ZNF438: variants seen among roughly 807,000 people sequenced by gnomAD.
ZNF438 encodes the protein zinc finger protein 438.
A neutral mutation model predicts 38.0 loss-of-function variants in ZNF438; 25 were observed. The ratio of observed to expected loss-of-function variants is 0.66; its 90% CI spans 0.48 to 0.92. ZNF438 has a LOEUF of 0.92. Ranked by LOEUF, ZNF438 falls within the 40% of genes least tolerant of loss-of-function variation. The pLI is 0.00. For missense variants in ZNF438, 1,007 were observed against 999.6 expected (o/e 1.01, Z -0.10); for synonymous variants, 372 against 364.1 (o/e 1.02, Z -0.25).
intron 4 of ZNF438, among the ~76,000 whole-genome samples, chr10:30,873,530 C>T (rs1391617902): frequency 2.6e-5 from 4 of 152,180 alleles, no homozygotes; most frequent in Non-Finnish European, 5.9e-5. Flanking sequence ...GAACAAATGT[C>T]ATCTCCTCCA....
chr10:30,990,005 A>G (rs1261914064), intron 1 of ZNF438, among the ~76,000 whole-genome samples: 1 of 152,202 alleles, frequency 6.6e-6, no homozygotes, highest in Non-Finnish European at 1.5e-5. Flanking sequence ...AGGACTCAGG[A>G]GCTAAGTTTA....
chr10:30,914,545 T>A (rs2043401651), intron 2 of ZNF438, among the ~76,000 whole-genome samples: 1 of 152,030 alleles, frequency 6.6e-6, no homozygotes, highest in Non-Finnish European at 1.5e-5. Flanking sequence ...CTGGGGGGAT[T>A]GTGTAAGCGG....
intron 1 of ZNF438, among the ~76,000 whole-genome samples, chr10:30,982,315 A>G (rs2052298803): frequency 1.3e-5 from 2 of 151,730 alleles, no homozygotes; most frequent in Non-Finnish European, 2.9e-5. Context: ...GTTAGCCGGG[A>G]TGGTCTCGAT....
chr10:30,876,856 A>T (rs1469206638), intron 4 of ZNF438, 142 bp downstream of exon 5: 4 of 532,802 alleles, frequency 7.5e-6, no homozygotes, highest in Non-Finnish European at 1.2e-5. Context: ...TACCAAAAGA[A>T]ATGAGTTTTC....
intron 3 of ZNF438, among the ~76,000 whole-genome samples, chr10:30,902,092 G>A (rs950494683): frequency 6.6e-6 from 1 of 152,132 alleles, no homozygotes; most frequent in Non-Finnish European, 1.5e-5. Flanking sequence ...ATTGCATAGA[G>A]CGAAAGAACA....
intron 1 of ZNF438, among the ~76,000 whole-genome samples, chr10:30,966,669 C>CAAAAAAAAA (rs11445638): frequency 7.7e-6 from 1 of 129,886 alleles, no homozygotes; most frequent in African/African-American, 2.9e-5. Context: ...GACTCCATCT[C>CAAAAAAAAA]AAAAAAAAAA....
chr10:30,984,437 A>G lies in ZNF438; in HGVS notation c.-191-42786T>C, dbSNP rs376345185. 7 of 152,302 alleles carry G rather than the reference A, an allele frequency of 4.6e-5. No homozygotes were observed. The East Asian group carries it at 1.3e-3, about 29-fold the overall frequency. The allele number at this position is 152,302 out of a possible 1,614,324, so 9.4% of individuals were successfully genotyped here. ...TCCTTTTAATTAATTCTGTAACAAT[A>G]CAAAGTATTATTATAATCATATTCA... is the stretch of plus-strand genomic sequence containing the variant. On this transcript the variant is annotated intron_variant, in intron 1 of 5. Coordinates refer to ENST00000413025, the Ensembl canonical transcript of ZNF438.
At chr10:30,959,483 A>T (rs2049226077) in intron 1 of ZNF438, among the ~76,000 whole-genome samples, 1 of 145,596 alleles carries the variant, frequency 6.9e-6, no homozygotes, top group African/African-American at 2.4e-5. Flanking sequence ...TCACACCTGT[A>T]ATCCCAGCAC....
intron 1 of ZNF438, among the ~76,000 whole-genome samples, chr10:30,947,857 T>A (rs935609595): frequency 4.6e-5 from 7 of 150,562 alleles, no homozygotes; most frequent in African/African-American, 1.7e-4. Flanking sequence ...GCTTCCCAAG[T>A]GAGGCAATGC....
At chr10:31,019,373 T>C (rs1205927072) in intron 1 of ZNF438, among the ~76,000 whole-genome samples, 1 of 152,162 alleles carries the variant, frequency 6.6e-6, no homozygotes, top group African/African-American at 2.4e-5. Context: ...ATAATGCTAA[T>C]GAAAGAAAAA....
chr10:30,934,197 A>G (rs918965799), intron 2 of ZNF438, among the ~76,000 whole-genome samples: 3 of 151,558 alleles, frequency 2.0e-5, no homozygotes, highest in African/African-American at 7.3e-5. Context: ...AGGACTGGGG[A>G]ACCCTCTTTG....
chr10:30,893,066 T>C (rs1246648511), intron 3 of ZNF438, among the ~76,000 whole-genome samples: 5 of 152,222 alleles, frequency 3.3e-5, no homozygotes, highest in Admixed American at 6.5e-5. Flanking sequence ...GTTGACTTAA[T>C]ATTTTTCTAG....
At chr10:30,916,921 C>G (rs1037423897) in intron 2 of ZNF438, among the ~76,000 whole-genome samples, 2 of 151,990 alleles carry the variant, frequency 1.3e-5, no homozygotes, top group African/African-American at 4.8e-5. Context: ...TCAGGATGCT[C>G]CAACATTTTT....
intron 1 of ZNF438, among the ~76,000 whole-genome samples, chr10:30,948,107 C>T (rs1363214544): frequency 6.6e-6 from 1 of 152,186 alleles, no homozygotes; most frequent in Non-Finnish European, 1.5e-5. Flanking sequence ...CCCTGAGCAG[C>T]CTAACTGGGA....
At chr10:30,852,959 CCTT>C (rs1394782126) in intron 4 of ZNF438, among the ~76,000 whole-genome samples, 1 of 151,914 alleles carries the variant, frequency 6.6e-6, no homozygotes, top group African/African-American at 2.4e-5. Context: ...TTAAACCTCA[CCTT>C]CTCATCTTTT....
intron 1 of ZNF438, among the ~76,000 whole-genome samples, chr10:30,993,636 A>C (rs1284543773): frequency 2.0e-5 from 3 of 152,246 alleles, no homozygotes; most frequent in Non-Finnish European, 1.5e-5. Flanking sequence ...TCGTAGGGCA[A>C]TGCCTAGTGC....
chr10:30,950,370 C>A (rs1258197662), intron 1 of ZNF438, among the ~76,000 whole-genome samples: 2 of 148,318 alleles, frequency 1.3e-5, no homozygotes, highest in African/African-American at 4.9e-5. Context: ...CATTCAAAAG[C>A]TAGCAGAAGG....
Position 31,008,963 on chromosome 10 carries a change from TGAA to T in ZNF438, c.-192+22867_-192+22869del, listed in dbSNP as rs529610199. 3.1e-3 allele frequency among the ~76,000 whole-genome samples: 479 copies of T among 152,360 alleles called. 2 individuals carry two copies. The highest frequency in any genetic ancestry group is 4.3e-3 in the Non-Finnish European group (293 of 68,030). On this transcript the variant is annotated intron_variant, in intron 1 of 5. Transcript: ENST00000413025. Reference sequence around the variant, plus strand: ...TTTGATTACAGCTAACTAGTGGGCATGAAGTAGTATCTTATGTGGTTTTGATTT... The same window carrying T: ...TTTGATTACAGCTAACTAGTGGGCATGTAGTATCTTATGTGGTTTTGATTT...
chr10:31,020,179 A>T (rs2056488916), intron 1 of ZNF438, among the ~76,000 whole-genome samples: 1 of 152,212 alleles, frequency 6.6e-6, no homozygotes, highest in Admixed American at 6.5e-5. Context: ...TTCAGGAATC[A>T]ATTTTTTCCT....
Sources: gnomAD v4.1 joint callset for allele counts (sites outside exome capture counted in the v4.1 genomes callset) on GRCh38, gnomAD v4.1.1 for gene constraint, MANE v1.5 for transcripts, NCBI Gene and HGNC (gene_info 2026-07-23, HGNC 2026-07-21) for gene names.